Variants in ATP8B4 observed in about 807,000 individuals in gnomAD.
ATP8B4 encodes the protein probable phospholipid-transporting ATPase IM.
ATP8B4 carries 133 observed loss-of-function variants against 145.6 expected under a neutral mutation model. The ratio of observed to expected loss-of-function variants is 0.91; its 90% CI spans 0.79 to 1.05. ATP8B4 has a LOEUF of 1.05. Ranked by LOEUF, ATP8B4 falls within the 50% of genes least tolerant of loss-of-function variation. ATP8B4 has a pLI of 0.00. For synonymous variants in ATP8B4, 507 were observed against 492.9 expected, an observed-to-expected ratio of 1.03 and a Z score of -0.38; for missense variants, 1,458 against 1,425.2, an observed-to-expected ratio of 1.02 and a Z score of -0.37.
At chr15:49,893,621 G>A (rs188902628) in intron 23 of ATP8B4, among the ~76,000 whole-genome samples, 157 of 152,304 alleles carry the variant, frequency 1.0e-3, no homozygotes, top group African/African-American at 2.5e-3. Context: ...GAAAAAGAAA[G>A]TAGAGTGGTG....
chr15:50,177,411 T>G (rs1233252099), intron 1 of ATP8B4, among the ~76,000 whole-genome samples: 1 of 152,198 alleles, frequency 6.6e-6, no homozygotes, highest in Non-Finnish European at 1.5e-5. Context: ...AAGGCAAAAC[T>G]AACAGGTAAG....
upstream of ATP8B4, among the ~76,000 whole-genome samples, chr15:50,124,006 G>A (rs922245582): frequency 1.3e-5 from 2 of 152,046 alleles, no homozygotes; most frequent in Non-Finnish European, 2.9e-5. Context: ...ACCTCAGCAG[G>A]TGACAGGAGT....
intron 23 of ATP8B4, among the ~76,000 whole-genome samples, chr15:49,891,856 C>A (rs1031460902): frequency 6.6e-5 from 10 of 152,086 alleles, no homozygotes; most frequent in Non-Finnish European, 1.2e-4. Flanking sequence ...TGGCTCATGC[C>A]TGTAATCCCA....
intron 9 of ATP8B4, among the ~76,000 whole-genome samples, chr15:49,987,991 T>C (rs1469343115): frequency 6.6e-6 from 1 of 152,226 alleles, no homozygotes; most frequent in African/African-American, 2.4e-5. Flanking sequence ...GTTAACCATC[T>C]TTCTGACCTC....
rs779934307 is a variant in ATP8B4 at position 50,018,884 on chromosome 15, C to T, written c.363-7967G>A. ...CTCTGAAGCTTCGACCATTATGTCA[C>T]TTACATTTTTCTCAGGACCAGGATA... On this transcript the variant is annotated intron_variant, in intron 6 of 27. Transcript: ENST00000284509. 94 of 1,200,432 alleles carry T rather than the reference C, an allele frequency of 7.8e-5. No homozygotes were observed. Among genetic ancestry groups the T allele is most frequent in the Non-Finnish European group, 1.0e-4 (93 of 911,000 alleles). The allele number at this position is 1,200,432 out of a possible 1,614,324, so 74.4% of individuals were successfully genotyped here.
intron 1 of ATP8B4, among the ~76,000 whole-genome samples, chr15:50,145,823 A>G (rs4775857): frequency 0.99 from 150,478 of 152,230 alleles, 74,394 homozygotes; most frequent in East Asian, 1. Context: ...GGCCAAAGCT[A>G]CTTTGTCAGA....
chr15:50,148,998 T>C (rs1370729432), intron 1 of ATP8B4, among the ~76,000 whole-genome samples: 1 of 152,232 alleles, frequency 6.6e-6, no homozygotes, highest in African/African-American at 2.4e-5. Flanking sequence ...AAAAGATAAG[T>C]ATCCCTTTTA....
intron 2 of ATP8B4, among the ~76,000 whole-genome samples, chr15:50,097,145 A>G (rs1477142687): frequency 1.3e-5 from 2 of 152,244 alleles, no homozygotes; most frequent in East Asian, 3.8e-4. Flanking sequence ...ATCATTCCAT[A>G]AGAGATAAAC....
chr15:49,943,543 A>G (rs1168462843), intron 14 of ATP8B4, among the ~76,000 whole-genome samples: 1 of 152,226 alleles, frequency 6.6e-6, no homozygotes, highest in East Asian at 1.9e-4. Flanking sequence ...GAAACCTTGC[A>G]GTCCAGGAGG....
chr15:49,935,365 C>T (rs2041647877), intron 14 of ATP8B4, among the ~76,000 whole-genome samples: 1 of 152,100 alleles, frequency 6.6e-6, no homozygotes, highest in African/African-American at 2.4e-5. Context: ...ATACATCCAT[C>T]AGCCAGGACT....
chr15:50,139,796 C>G (rs1395371552), intron 1 of ATP8B4, among the ~76,000 whole-genome samples: 1 of 152,172 alleles, frequency 6.6e-6, no homozygotes, highest in Non-Finnish European at 1.5e-5. Flanking sequence ...ACTTCATGAA[C>G]CACTACATCC....
intron 8 of ATP8B4, 67 bp downstream of exon 8, chr15:50,002,086 A>T: frequency 7.6e-7 from 1 of 1,320,364 alleles, no homozygotes; most frequent in South Asian, 1.3e-5. Flanking sequence ...GTTAAGTCTT[A>T]TCTCTAAAGA....
At chr15:50,140,003 T>C (rs566800781) in intron 1 of ATP8B4, among the ~76,000 whole-genome samples, 1 of 151,246 alleles carries the variant, frequency 6.6e-6, no homozygotes, top group East Asian at 2.0e-4. Context: ...ATGATGGACT[T>C]TAGAGATTCA....
intron 3 of ATP8B4, among the ~76,000 whole-genome samples, chr15:50,069,265 G>C (rs2053575714): frequency 6.6e-6 from 1 of 152,092 alleles, no homozygotes; most frequent in South Asian, 2.1e-4. Flanking sequence ...AAACTAATTT[G>C]ACTTAGAATC....
chr15:49,969,090 C>T (rs763832306), intron 13 of ATP8B4, among the ~76,000 whole-genome samples: 9 of 152,172 alleles, frequency 5.9e-5, no homozygotes, highest in African/African-American at 1.7e-4. Context: ...AACAAAGAAA[C>T]GATGTACCAG....
At chr15:50,014,562 G>A (rs145680894) in intron 6 of ATP8B4, among the ~76,000 whole-genome samples, 19 of 152,052 alleles carry the variant, frequency 1.2e-4, no homozygotes, top group East Asian at 3.9e-4. Context: ...TGTATAGAGC[G>A]CCAAATAAAA....
chr15:49,965,199 T>A (rs2044416623), intron 13 of ATP8B4, among the ~76,000 whole-genome samples: 1 of 152,136 alleles, frequency 6.6e-6, no homozygotes, highest in African/African-American at 2.4e-5. Context: ...GAGGAAACCA[T>A]AATGCCCATG....
rs993581353 is a variant in ATP8B4 at position 49,888,300 on chromosome 15, G to A, written c.2698-8841C>T. The stretch of plus-strand genomic sequence containing the variant: ...TAACCAAATCCATGAAGTCATCAAA[G>A]CCTTAAGATTAGTCGCAGTCTTTCA... On this transcript the variant is annotated intron_variant, in intron 23 of 27. Coordinates refer to ENST00000284509, the MANE Select transcript of ATP8B4 (RefSeq NM_024837.4). 2.6e-5 allele frequency among the ~76,000 whole-genome samples: 4 copies of A among 152,136 alleles called. No homozygotes were observed. The East Asian group carries it at 5.8e-4, about 22-fold the overall frequency.
intron 20 of ATP8B4, among the ~76,000 whole-genome samples, chr15:49,905,465 T>C (rs2038503741): frequency 6.7e-6 from 1 of 149,648 alleles, no homozygotes; most frequent in Non-Finnish European, 1.5e-5. Context: ...GAGAACAACT[T>C]TGAGCAATAG....
Sources: allele counts gnomAD v4.1 joint callset (sites outside exome capture counted in the v4.1 genomes callset), GRCh38; gene constraint gnomAD v4.1.1; transcripts MANE v1.5; gene names NCBI Gene and HGNC (gene_info 2026-07-23, HGNC 2026-07-21).